The following APBB1IP variants were observed in gnomAD, a reference collection of about 807,000 sequenced individuals.
APBB1IP encodes the protein amyloid beta precursor protein binding family B member 1 interacting protein, also known as amyloid beta A4 precursor protein-binding family B member 1-interacting protein.
Under a neutral mutation model 64.9 loss-of-function variants are expected in APBB1IP, and 27 were observed. The ratio of observed to expected loss-of-function variants is 0.42; its 90% confidence interval spans 0.31 to 0.57. The LOEUF is 0.57. Ranked by LOEUF, APBB1IP falls within the 20% of genes least tolerant of loss-of-function variation. The pLI, the probability that APBB1IP is intolerant of heterozygous loss-of-function variation, is 0.20. For synonymous variants in APBB1IP, 392 were observed against 331.0 expected (o/e 1.18, Z -2.00); for missense variants, 812 against 845.5 (o/e 0.96, Z 0.49).
At chr10:26,471,433 G>A (rs1188132928) in intron 2 of APBB1IP, among the ~76,000 whole-genome samples, 2 of 152,130 alleles carry the variant, frequency 1.3e-5, no homozygotes, top group Non-Finnish European at 2.9e-5. Context: ...AAATAACAGA[G>A]TGAAAAATAT....
At chr10:26,549,504 T>C (rs912200093) in intron 11 of APBB1IP, among the ~76,000 whole-genome samples, 32 of 152,266 alleles carry the variant, frequency 2.1e-4, no homozygotes, top group African/African-American at 7.5e-4. Flanking sequence ...TCATTGTTGG[T>C]CTTTTTAGGT....
chr10:26,500,580 A>G (rs777258932), intron 4 of APBB1IP, among the ~76,000 whole-genome samples: 1 of 152,146 alleles, frequency 6.6e-6, no homozygotes, highest in Non-Finnish European at 1.5e-5. Flanking sequence ...ATTTCCCCCA[A>G]TATTTTTTCT....
At chr10:26,544,776 G>C (rs1400074188) in intron 11 of APBB1IP, among the ~76,000 whole-genome samples, 1 of 152,142 alleles carries the variant, frequency 6.6e-6, no homozygotes, top group Non-Finnish European at 1.5e-5. Context: ...GGACTTGAAC[G>C]GTCTGACCTA....
At chr10:26,546,884 T>C (rs750501950) in intron 11 of APBB1IP, among the ~76,000 whole-genome samples, 1 of 152,208 alleles carries the variant, frequency 6.6e-6, no homozygotes, top group Non-Finnish European at 1.5e-5. Context: ...CTTTGACATA[T>C]TGATTTCATT....
chr10:26,453,718 G>A lies in APBB1IP; in HGVS notation c.-1+14865G>A, dbSNP rs1365556322. Among the ~76,000 whole-genome samples, 4 of 151,928 alleles carry A rather than the reference G, an allele frequency of 2.6e-5. No homozygotes were observed. In the East Asian group the frequency reaches 5.8e-4, roughly 22 times the overall value. ...GCCCCTGGCAGATACTGGCCAATAA[G>A]CACAGGAAAAAAATGCTCAACGTCA... On this transcript the variant is annotated intron_variant, in intron 2 of 14. Transcript: ENST00000376236.
intron 14 of APBB1IP, among the ~76,000 whole-genome samples, chr10:26,562,671 C>T (rs1836988947): frequency 6.6e-6 from 1 of 152,036 alleles, no homozygotes; most frequent in African/African-American, 2.4e-5. Flanking sequence ...GTGGCATGCA[C>T]CTGTAGTCCC....
At chr10:26,546,451 TA>T (rs2132473293) in intron 11 of APBB1IP, among the ~76,000 whole-genome samples, 1 of 152,356 alleles carries the variant, frequency 6.6e-6, no homozygotes, top group South Asian at 2.1e-4. Context: ...TAACCCATAG[TA>T]ATTGTACATT....
intron 2 of APBB1IP, among the ~76,000 whole-genome samples, chr10:26,444,503 C>T (rs779265894): frequency 2.6e-5 from 4 of 152,046 alleles, no homozygotes; most frequent in African/African-American, 4.8e-5. Flanking sequence ...CAAGATTTCC[C>T]GACAGAAGGA....
chr10:26,472,569 T>TTTCATTCA (rs57015999), intron 2 of APBB1IP, among the ~76,000 whole-genome samples: 24,178 of 149,546 alleles, frequency 0.16, 2,002 homozygotes, highest in East Asian at 0.22. Context: ...ATCGTGTTTG[T>TTTCATTCA]TTCATTCATT....
intron 11 of APBB1IP, among the ~76,000 whole-genome samples, chr10:26,546,226 A>G (rs1223013655): frequency 6.6e-6 from 1 of 152,246 alleles, no homozygotes; most frequent in Non-Finnish European, 1.5e-5. Flanking sequence ...GAAACATATC[A>G]GCACTTAGTA....
chr10:26,560,727 C>T lies in APBB1IP; in HGVS notation c.1255-3C>T, dbSNP rs761593684. On this transcript the variant is annotated splice_polypyrimidine_tract_variant and splice_region_variant and intron_variant, in intron 12 of 14. Coordinates refer to ENST00000376236, the MANE Select transcript of APBB1IP (RefSeq NM_019043.4). ...TCCTTCTTCCTTTGTGTTCTCTCCCCAGTATGGGAAGACTCTCTATGATAA... is the reference window on the plus strand; with the variant it reads ...TCCTTCTTCCTTTGTGTTCTCTCCCTAGTATGGGAAGACTCTCTATGATAA... 1.9e-6 allele frequency: 3 copies of T among 1,577,392 alleles called. No individual in the cohort carries two copies. Among genetic ancestry groups the T allele is most frequent in the Non-Finnish European group, 2.6e-6 (3 of 1,161,792 alleles).
chr10:26,467,118 C>G (rs1019379505), intron 2 of APBB1IP, among the ~76,000 whole-genome samples: 3 of 151,916 alleles, frequency 2.0e-5, no homozygotes, highest in African/African-American at 7.3e-5. Context: ...GTTGGCCAGG[C>G]TGGTCTCGAA....
At chr10:26,557,673 A>G (rs911903042) in intron 11 of APBB1IP, among the ~76,000 whole-genome samples, 1 of 152,198 alleles carries the variant, frequency 6.6e-6, no homozygotes, top group African/African-American at 2.4e-5. Context: ...CAGTTTTCTC[A>G]TTTGTGAAAC....
At chr10:26,489,109 G>A (rs1835926432) in intron 2 of APBB1IP, among the ~76,000 whole-genome samples, 1 of 152,170 alleles carries the variant, frequency 6.6e-6, no homozygotes. Flanking sequence ...GCCAGATAGG[G>A]CAGTAGAGAA....
chr10:26,521,156 T>C (rs1193043596), intron 8 of APBB1IP, among the ~76,000 whole-genome samples: 1 of 152,194 alleles, frequency 6.6e-6, no homozygotes, highest in Non-Finnish European at 1.5e-5. Context: ...GAACAGTCTG[T>C]GTTTTAGCTT....
intron 2 of APBB1IP, among the ~76,000 whole-genome samples, chr10:26,444,825 G>C: frequency 6.6e-6 from 1 of 152,130 alleles, no homozygotes; most frequent in East Asian, 1.9e-4. Flanking sequence ...CATAGGCTGC[G>C]TGGTGGCTCA....
intron 10 of APBB1IP, among the ~76,000 whole-genome samples, chr10:26,538,374 G>A (rs1040355024): frequency 6.6e-6 from 1 of 150,724 alleles, no homozygotes; most frequent in South Asian, 2.1e-4. Flanking sequence ...CAGGTGCGGT[G>A]GCTCATGCCT....
intron 2 of APBB1IP, among the ~76,000 whole-genome samples, chr10:26,467,886 G>A (rs757020980): frequency 2.0e-5 from 3 of 152,174 alleles, no homozygotes; most frequent in African/African-American, 4.8e-5. Context: ...TAAGTGTCTC[G>A]TAATCGCTTA....
chr10:26,517,202 G>A (rs1431044038), intron 8 of APBB1IP, among the ~76,000 whole-genome samples: 1 of 152,132 alleles, frequency 6.6e-6, no homozygotes, highest in African/African-American at 2.4e-5. Flanking sequence ...AGTTTGCCAT[G>A]GTAACTAATG....
Sources: allele counts gnomAD v4.1 joint callset (sites outside exome capture counted in the v4.1 genomes callset), GRCh38; gene constraint gnomAD v4.1.1; transcripts MANE v1.5; gene names NCBI Gene and HGNC (gene_info 2026-07-23, HGNC 2026-07-21).